Variants in DLGAP2 observed in about 807,000 individuals in gnomAD.
DLGAP2 encodes disks large-associated protein 2.
DLGAP2 carries 26 observed loss-of-function variants against 100.3 expected under a neutral mutation model. That is an observed-to-expected ratio of 0.26 (90% CI 0.19 to 0.36). DLGAP2 has a LOEUF of 0.36. DLGAP2 is among the 10% of genes least tolerant of loss of function. DLGAP2 has a pLI of 1.00. For synonymous variants in DLGAP2, 886 were observed against 630.1 expected (o/e 1.41, Z -6.08); for missense variants, 1,858 against 1,453.2 (o/e 1.28, Z -4.53).
In DLGAP2 at chr8:1,704,719, A is replaced by T. The variant is rs2130900241; in HGVS notation, c.*3313A>T. ...TAAAAACTTCAAGCACTTAATGGAA[A>T]GGTAAATGGTCAGATAAAAATATAA... On this transcript the variant is annotated 3_prime_UTR_variant, in exon 15 of 15. Coordinates refer to ENST00000637795, the MANE Select transcript of DLGAP2 (RefSeq NM_001346810.2). 6.6e-6 allele frequency: 1 copy of T among 152,316 alleles called. No individual in the cohort carries two copies. Among genetic ancestry groups the T allele is most frequent in the East Asian group, 1.9e-4 (1 of 5,176 alleles). The allele number at this position is 152,316 out of a possible 1,614,324, so 9.4% of individuals were successfully genotyped here. A position where few individuals can be genotyped will look rare whatever the true frequency, so the allele number is the denominator to read the frequency against.
At chr8:1,188,259 A>G (rs1266888844) in intron 2 of DLGAP2, among the ~76,000 whole-genome samples, 4 of 121,496 alleles carry the variant, frequency 3.3e-5, no homozygotes, top group Admixed American at 8.4e-5. Context: ...ACGGAATCTC[A>G]CACGCCCGGG....
At chr8:1,565,379 C>G in intron 5 of DLGAP2, 1 of 282,342 alleles carries the variant, frequency 3.5e-6, no homozygotes, top group Non-Finnish European at 6.5e-6. Flanking sequence ...GGAAATAAAA[C>G]TAAATTTTAG....
intron 12 of DLGAP2, among the ~76,000 whole-genome samples, chr8:1,685,809 C>G (rs1464993754): frequency 6.6e-6 from 1 of 151,958 alleles, no homozygotes; most frequent in Admixed American, 6.6e-5. Flanking sequence ...AACGGGCCAA[C>G]AGGTATGTGA....
chr8:1,667,533 T>G (rs1186567352), intron 8 of DLGAP2, among the ~76,000 whole-genome samples: 1 of 152,138 alleles, frequency 6.6e-6, no homozygotes, highest in Non-Finnish European at 1.5e-5. Flanking sequence ...AGCAAGTAAG[T>G]TTCTGCTATT....
chr8:1,456,807 G>T (rs567359968), intron 3 of DLGAP2, among the ~76,000 whole-genome samples: 8 of 151,972 alleles, frequency 5.3e-5, no homozygotes, highest in African/African-American at 1.9e-4. Context: ...CTGTGATGCC[G>T]TGAGCCCGGG....
At chr8:1,106,831 T>A (rs975096610) in intron 2 of DLGAP2, among the ~76,000 whole-genome samples, 8 of 152,150 alleles carry the variant, frequency 5.3e-5, no homozygotes, top group African/African-American at 1.9e-4. Context: ...TACTTGTGAG[T>A]GACACCTGTG....
intron 3 of DLGAP2, among the ~76,000 whole-genome samples, chr8:1,285,006 C>T (rs181391132): frequency 3.9e-5 from 6 of 152,324 alleles, no homozygotes; most frequent in East Asian, 1.9e-4. Flanking sequence ...ACCTGCATCC[C>T]GATTTATTTC....
At chr8:1,236,313 GCGCCGTGTCTGGTTCTCT>G (rs1798653874) in intron 2 of DLGAP2, among the ~76,000 whole-genome samples, 1 of 52,190 alleles carries the variant, frequency 1.9e-5, no homozygotes, top group Non-Finnish European at 3.8e-5. Flanking sequence ...CTCTCACATG[GCGCCGTGTCTGGTTCTCT>G]CACATGGCGC....
At chr8:1,525,491 C>T (rs527490809) in intron 4 of DLGAP2, among the ~76,000 whole-genome samples, 2 of 152,302 alleles carry the variant, frequency 1.3e-5, no homozygotes, top group South Asian at 4.1e-4. Context: ...GATGGCAGAA[C>T]AGGGAGGTGG....
intron 2 of DLGAP2, among the ~76,000 whole-genome samples, chr8:1,067,464 C>T (rs548425458): frequency 2.0e-5 from 3 of 152,266 alleles, no homozygotes; most frequent in Non-Finnish European, 4.4e-5. Flanking sequence ...GAGGGGGCCA[C>T]GCTGAGGAAG....
At chr8:1,189,122 C>T (rs1452513872) in intron 2 of DLGAP2, among the ~76,000 whole-genome samples, 11 of 144,116 alleles carry the variant, frequency 7.6e-5, no homozygotes, top group African/African-American at 1.2e-4. Context: ...GGTTCGGGCC[C>T]CATGGCGGTT....
intron 2 of DLGAP2, among the ~76,000 whole-genome samples, chr8:995,919 G>T (rs532641748): frequency 1.3e-5 from 2 of 152,224 alleles, no homozygotes; most frequent in African/African-American, 4.8e-5. Context: ...GAAAAGATGG[G>T]ATTTTTGTTT....
chr8:1,538,473 G>C (rs533106027), intron 4 of DLGAP2, among the ~76,000 whole-genome samples: 3 of 152,112 alleles, frequency 2.0e-5, no homozygotes, highest in Non-Finnish European at 2.9e-5. Flanking sequence ...TTAGATCCCC[G>C]GGCTGATTTC....
chr8:1,459,876 G>A (rs1584925798), intron 3 of DLGAP2, among the ~76,000 whole-genome samples: 1 of 152,112 alleles, frequency 6.6e-6, no homozygotes, highest in African/African-American at 2.4e-5. Flanking sequence ...AGTAGAGACA[G>A]GGTTTCACCA....
chr8:1,291,225 A>T (rs1367513429), intron 3 of DLGAP2, among the ~76,000 whole-genome samples: 1 of 152,214 alleles, frequency 6.6e-6, no homozygotes, highest in African/African-American at 2.4e-5. Flanking sequence ...TTACAGATTC[A>T]CAGAATGGAT....
At chr8:1,284,789 T>G (rs1405637253) in intron 3 of DLGAP2, among the ~76,000 whole-genome samples, 1 of 152,166 alleles carries the variant, frequency 6.6e-6, no homozygotes, top group Non-Finnish European at 1.5e-5. Context: ...TTTGCGTGTT[T>G]ATTGAGAGAT....
intron 2 of DLGAP2, among the ~76,000 whole-genome samples, chr8:1,147,538 CTTT>C (rs66900715): frequency 8.2e-4 from 119 of 144,302 alleles, no homozygotes; most frequent in Non-Finnish European, 9.5e-4. Flanking sequence ...ATACCTTCTT[CTTT>C]TTTTTTTTTT....
intron 3 of DLGAP2, among the ~76,000 whole-genome samples, chr8:1,295,783 C>A (rs1281873256): frequency 6.6e-6 from 1 of 152,166 alleles, no homozygotes; most frequent in Non-Finnish European, 1.5e-5. Flanking sequence ...AGCCATCGTC[C>A]CCTCGTGACA....
rs149995787 is a variant in DLGAP2 at position 1,518,695 on chromosome 8, G to C, written c.172+17264G>C. 3.4e-4 allele frequency among the ~76,000 whole-genome samples: 52 copies of C among 152,240 alleles called. No homozygotes were observed. The East Asian group carries it at 9.7e-3, about 28-fold the overall frequency. On this transcript the variant is annotated intron_variant, in intron 4 of 14. Transcript: ENST00000637795. ...GACAATGGTTCTTGAGTAAATTATG[G>C]AGTCTTTGAGATTTGTTTTTCTCAG...
Sources: gnomAD v4.1 joint callset for allele counts (sites outside exome capture counted in the v4.1 genomes callset) on GRCh38, gnomAD v4.1.1 for gene constraint, MANE v1.5 for transcripts, NCBI Gene and HGNC (gene_info 2026-07-23, HGNC 2026-07-21) for gene names.